Variants in GALNTL6 observed in about 807,000 individuals in gnomAD.
The protein encoded by GALNTL6 is polypeptide N-acetylgalactosaminyltransferase like 6.
A neutral mutation model predicts 73.7 loss-of-function variants in GALNTL6; 46 were observed. That is an observed-to-expected ratio of 0.62 (90% CI 0.49 to 0.80). GALNTL6 has a LOEUF of 0.80. Among genes scored for constraint, GALNTL6 ranks in the 30% least tolerant of loss-of-function variants. The pLI is 0.00. For synonymous variants in GALNTL6, 259 were observed against 263.7 expected (o/e 0.98, Z 0.17); for missense variants, 604 against 755.0 (o/e 0.80, Z 2.34).
chr4:173,040,026 G>A lies in GALNTL6; in HGVS notation c.1732G>A (p.Glu578Lys), dbSNP rs759610397. Reference sequence around the variant, plus strand: ...CATGGCCAGATGTGACCCTCTCTCTGAGACTCAGCAGTGGATTTTTGAACA... The same window carrying A: ...CATGGCCAGATGTGACCCTCTCTCTAAGACTCAGCAGTGGATTTTTGAACA... ...IFMARCDPLSETQQWIFEHIN... is the reference protein window; with the variant it reads ...IFMARCDPLSKTQQWIFEHIN... Residue 578 changes from glutamate (E) to lysine (K), a missense_variant, in exon 13 of 13, where the codon GAG becomes AAG. Coordinates refer to ENST00000506823, the MANE Select transcript of GALNTL6 (RefSeq NM_001034845.3). 2 of 1,613,628 alleles carry A rather than the reference G, an allele frequency of 1.2e-6. No homozygotes were observed. The highest frequency in any genetic ancestry group is 1.7e-6 in the Non-Finnish European group (2 of 1,179,554).
intron 4 of GALNTL6, among the ~76,000 whole-genome samples, chr4:172,341,806 T>C (rs1305602977): frequency 5.3e-5 from 8 of 152,218 alleles, no homozygotes; most frequent in Non-Finnish European, 1.2e-4. Flanking sequence ...CTCTTTCTTT[T>C]ATAAATTGCC....
At position 171,814,729 on chromosome 4, in the gene GALNTL6, C is replaced by T; in HGVS notation, c.138+11C>T. The T allele has an allele frequency of 6.2e-7, 1 of 1,613,264 alleles. No homozygotes were observed. The highest frequency in any genetic ancestry group is 8.5e-7 in the Non-Finnish European group (1 of 1,179,896). ...CCCGGGGAGCAGCAGGTAAGTGCCACCCAGAGAAAGATCACACAAGGATTG... is the reference window on the plus strand; with the variant it reads ...CCCGGGGAGCAGCAGGTAAGTGCCATCCAGAGAAAGATCACACAAGGATTG... On this transcript the variant is annotated intron_variant, in intron 2 of 12. Transcript: ENST00000506823.
At chr4:172,375,813 C>T (rs115016248) in intron 5 of GALNTL6, among the ~76,000 whole-genome samples, 2,428 of 152,204 alleles carry the variant, frequency 0.016, 58 homozygotes, top group African/African-American at 0.055. Flanking sequence ...CCCTTACCAA[C>T]GCATTCTCAA....
chr4:172,996,810 C>A (rs566638022), intron 10 of GALNTL6, among the ~76,000 whole-genome samples: 1 of 151,432 alleles, frequency 6.6e-6, no homozygotes, highest in South Asian at 2.1e-4. Flanking sequence ...ATGAAGTCAC[C>A]ACTCTTCTGC....
intron 2 of GALNTL6, among the ~76,000 whole-genome samples, chr4:172,057,722 A>AT (rs1560904165): frequency 0.016 from 1,286 of 78,434 alleles, 15 homozygotes; most frequent in Non-Finnish European, 0.023. Flanking sequence ...AAAAAAAAAA[A>AT]AAAAAATATA....
chr4:172,912,657 A>G (rs1183176623), intron 8 of GALNTL6, among the ~76,000 whole-genome samples: 1 of 151,992 alleles, frequency 6.6e-6, no homozygotes, highest in Non-Finnish European at 1.5e-5. Flanking sequence ...GGCCGCAGCG[A>G]GGGTGGGGGA....
chr4:171,855,950 G>A (rs904772530), intron 2 of GALNTL6, among the ~76,000 whole-genome samples: 4 of 152,074 alleles, frequency 2.6e-5, no homozygotes, highest in Non-Finnish European at 5.9e-5. Context: ...TTTTAAAATT[G>A]AATTTTCTTA....
intron 12 of GALNTL6, among the ~76,000 whole-genome samples, chr4:173,022,078 G>A (rs796238132): frequency 0.016 from 1,287 of 79,866 alleles, 5 homozygotes; most frequent in Middle Eastern, 0.019. Flanking sequence ...AAGGAAGGAA[G>A]GAAGGAAGGA....
intron 2 of GALNTL6, among the ~76,000 whole-genome samples, chr4:171,887,135 C>A (rs1215926810): frequency 6.6e-6 from 1 of 152,118 alleles, no homozygotes; most frequent in Non-Finnish European, 1.5e-5. Flanking sequence ...TGACAAATGG[C>A]AGACAGGCAA....
At chr4:172,789,032 G>C (rs985080152) in intron 5 of GALNTL6, among the ~76,000 whole-genome samples, 16 of 152,148 alleles carry the variant, frequency 1.1e-4, no homozygotes, top group African/African-American at 3.9e-4. Context: ...GTGACGAAAT[G>C]TGGGGTGTAG....
intron 2 of GALNTL6, among the ~76,000 whole-genome samples, chr4:171,962,364 T>C (rs1739245772): frequency 1.3e-5 from 2 of 152,098 alleles, no homozygotes; most frequent in Admixed American, 1.3e-4. Context: ...CCGCACAAGA[T>C]ACAGGTCACA....
At chr4:171,970,741 A>C (rs1739544190) in intron 2 of GALNTL6, among the ~76,000 whole-genome samples, 1 of 152,224 alleles carries the variant, frequency 6.6e-6, no homozygotes, top group South Asian at 2.1e-4. Context: ...AATGAGCACA[A>C]AATGCAAAAT....
chr4:172,504,173 A>AAAAAAAAAAAAAAAC, intron 5 of GALNTL6, among the ~76,000 whole-genome samples: 1 of 43,752 alleles, frequency 2.3e-5, no homozygotes, highest in African/African-American at 5.8e-5. Flanking sequence ...AAAAAAAAAA[A>AAAAAAAAAAAAAAAC]AAAAAACTCA....
At chr4:172,638,010 A>G (rs1463371826) in intron 5 of GALNTL6, among the ~76,000 whole-genome samples, 1 of 152,128 alleles carries the variant, frequency 6.6e-6, no homozygotes, top group Non-Finnish European at 1.5e-5. Flanking sequence ...AAATTAGTCT[A>G]TGAATATTCT....
chr4:172,437,962 T>G (rs1282154018), intron 5 of GALNTL6, among the ~76,000 whole-genome samples: 1 of 152,094 alleles, frequency 6.6e-6, no homozygotes, highest in Non-Finnish European at 1.5e-5. Context: ...CCTCCATTGT[T>G]AAAAGAACCA....
At chr4:172,283,908 A>C (rs1739157068) in intron 3 of GALNTL6, among the ~76,000 whole-genome samples, 1 of 152,170 alleles carries the variant, frequency 6.6e-6, no homozygotes, top group Non-Finnish European at 1.5e-5. Context: ...TAGTGACTAA[A>C]ATGTGAGAAA....
chr4:172,085,264 G>A (rs1731996136), intron 2 of GALNTL6, among the ~76,000 whole-genome samples: 1 of 152,104 alleles, frequency 6.6e-6, no homozygotes, highest in South Asian at 2.1e-4. Context: ...ACTAAGAAAT[G>A]TATAAATTGG....
chr4:171,882,181 G>A (rs934304243), intron 2 of GALNTL6, among the ~76,000 whole-genome samples: 3 of 152,076 alleles, frequency 2.0e-5, no homozygotes, highest in African/African-American at 4.8e-5. Context: ...TACATTCAAT[G>A]TTATTTCTAT....
chr4:172,498,423 T>C (rs1734146360), intron 5 of GALNTL6, among the ~76,000 whole-genome samples: 1 of 152,186 alleles, frequency 6.6e-6, no homozygotes, highest in Non-Finnish European at 1.5e-5. Context: ...AATAAATGTG[T>C]ACTCTATAGT....
Sources: gnomAD v4.1 joint callset for allele counts (sites outside exome capture counted in the v4.1 genomes callset) on GRCh38, gnomAD v4.1.1 for gene constraint, MANE v1.5 for transcripts, NCBI Gene and HGNC (gene_info 2026-07-23, HGNC 2026-07-21) for gene names.